PVR: variants seen among roughly 807,000 people sequenced by gnomAD.
PVR encodes the protein PVR cell adhesion molecule.
In PVR, 39 loss-of-function variants were observed where a neutral mutation model predicts 43.3. That is an observed-to-expected ratio of 0.90 (90% CI 0.70 to 1.18). PVR has a LOEUF of 1.18. Ranked by LOEUF, PVR falls within the 50% of genes most tolerant of loss-of-function variation. PVR has a pLI of 0.00. For missense variants in PVR, 480 were observed against 549.7 expected, an observed-to-expected ratio of 0.87 and a Z score of 1.27; for synonymous variants, 224 against 233.2, an observed-to-expected ratio of 0.96 and a Z score of 0.36.
chr19:44,652,088 C>T (rs570653542), intron 3 of PVR, among the ~76,000 whole-genome samples: 115 of 152,204 alleles, frequency 7.6e-4, no homozygotes, highest in Non-Finnish European at 1.4e-3. Flanking sequence ...ACCTGGGAGG[C>T]GGAGATTGCA....
chr19:44,655,595 T>C (rs1973421408), intron 4 of PVR, among the ~76,000 whole-genome samples: 3 of 152,204 alleles, frequency 2.0e-5, no homozygotes, highest in African/African-American at 7.2e-5. Context: ...TACATATAAT[T>C]TTGAACCTTT....
At chr19:44,650,460 C>G (rs1973250951) in intron 3 of PVR, among the ~76,000 whole-genome samples, 1 of 152,120 alleles carries the variant, frequency 6.6e-6, no homozygotes, top group Non-Finnish European at 1.5e-5. Context: ...GGCAAGTATC[C>G]ACAATGACCC....
chr19:44,650,186 T>C (rs1262299847), intron 3 of PVR, 81 bp downstream of exon 3: 2 of 1,333,476 alleles, frequency 1.5e-6, no homozygotes, highest in South Asian at 1.6e-5. Flanking sequence ...CCCAAGGCAC[T>C]GTAGGCATTG....
intron 2 of PVR, among the ~76,000 whole-genome samples, 187 bp downstream of exon 2, chr19:44,647,757 G>A (rs1454011707): frequency 4.7e-5 from 7 of 150,528 alleles, no homozygotes; most frequent in Non-Finnish European, 8.9e-5. Flanking sequence ...TGGGGGGAGG[G>A]GCTGCAGGGC....
chr19:44,657,724 C>T (rs772145768), intron 4 of PVR, 38 bp from the exon 5 acceptor site: 26 of 1,610,618 alleles, frequency 1.6e-5, no homozygotes, highest in Admixed American at 1.0e-4. Context: ...TCCGGACCTG[C>T]AGCAGAGGCC....
At chr19:44,657,414 C>T (rs974731482) in intron 4 of PVR, among the ~76,000 whole-genome samples, 13 of 152,078 alleles carry the variant, frequency 8.5e-5, no homozygotes, top group African/African-American at 2.9e-4. Context: ...GGTTCACAGG[C>T]GACCTCTGGT....
chr19:44,652,749 A>T (rs926167473), intron 3 of PVR, among the ~76,000 whole-genome samples: 7 of 152,178 alleles, frequency 4.6e-5, no homozygotes, highest in African/African-American at 1.7e-4. Flanking sequence ...TCCTGGGCTC[A>T]AGTGATCCTC....
rs10402984 is a variant in PVR, at chr19:44,665,574, G to C, written c.*3763G>C. ...CCTTGAACCCGGGAAGTGGAGGCTG[G>C]AGTAAACCATGATCGAGTTACTGCA... On this transcript the variant is annotated 3_prime_UTR_variant, in exon 8 of 8. Transcript: ENST00000425690. The C allele has an allele frequency of 0.048, 6,949 of 144,752 alleles. 542 individuals carry two copies. Among genetic ancestry groups the C allele is most frequent in the African/African-American group, 0.17 (6,607 of 38,786 alleles). The allele number at this position is 144,752 out of a possible 1,614,324, so 9.0% of individuals were successfully genotyped here.
At chr19:44,645,972 T>A (rs907718563) in intron 1 of PVR, among the ~76,000 whole-genome samples, 2 of 152,062 alleles carry the variant, frequency 1.3e-5, no homozygotes, top group Non-Finnish European at 2.9e-5. Context: ...CCGCCCAAGT[T>A]CAAATCCCAC....
chr19:44,649,108 T>G (rs1359265206), intron 2 of PVR, among the ~76,000 whole-genome samples: 1 of 152,144 alleles, frequency 6.6e-6, no homozygotes, highest in East Asian at 1.9e-4. Flanking sequence ...ATAACCCCCT[T>G]TGGGTTTCCC....
At chr19:44,649,754 C>A (rs1973225858) in intron 2 of PVR, 55 bp from the exon 3 acceptor site, 5 of 1,577,422 alleles carry the variant, frequency 3.2e-6, no homozygotes, top group Non-Finnish European at 3.5e-6. Context: ...TGAATGCCCC[C>A]TTCTGCCACG....
intron 6 of PVR, 117 bp downstream of exon 6, chr19:44,659,017 C>A: frequency 1.0e-6 from 1 of 953,662 alleles, no homozygotes. Flanking sequence ...CCCCATTTGA[C>A]TGATGAGGGT....
At chr19:44,659,126 G>C (rs1262613518) in intron 6 of PVR, 1 of 457,140 alleles carries the variant, frequency 2.2e-6, no homozygotes, top group East Asian at 3.5e-5. Context: ...TGCCATGGTA[G>C]GGACTTTGGA....
At chr19:44,648,764 C>G (rs570159814) in intron 2 of PVR, among the ~76,000 whole-genome samples, 6 of 152,324 alleles carry the variant, frequency 3.9e-5, no homozygotes, top group African/African-American at 1.4e-4. Context: ...GGAACTGTGC[C>G]TAGCACACAA....
Position 44,661,397 on chromosome 19 carries a change from C to T in PVR, c.1182+74C>T, listed in dbSNP as rs185925790. The T allele has an allele frequency of 3.4e-5, 51 of 1,494,498 alleles. No individual in the cohort carries two copies. The African/African-American group carries it at 3.9e-4, about 11-fold the overall frequency. 92.6% of individuals were successfully genotyped at this position (1,494,498 alleles called of 1,614,324 possible). On this transcript the variant is annotated intron_variant, in intron 7 of 7. Transcript: ENST00000425690. The stretch of plus-strand genomic sequence containing the variant: ...CAGACCAGACGTCTTCAGATGCCCA[C>T]GGCCCGGCCTCAGGAGCCTGGGTCT...
chr19:44,645,415 GTATATATATATATATA>G (rs71171276), intron 1 of PVR, among the ~76,000 whole-genome samples: 23 of 83,822 alleles, frequency 2.7e-4, no homozygotes, highest in African/African-American at 1.1e-3. Context: ...TATGTTTTGT[GTATATATATATATATA>G]TATATATATA....
chr19:44,648,784 A>G (rs997563780), intron 2 of PVR, among the ~76,000 whole-genome samples: 4 of 152,212 alleles, frequency 2.6e-5, no homozygotes, highest in Non-Finnish European at 5.9e-5. Context: ...ACACCCAACC[A>G]AAGGCAGCTG....
At chr19:44,648,461 A>G (rs1343525401) in intron 2 of PVR, among the ~76,000 whole-genome samples, 1 of 151,560 alleles carries the variant, frequency 6.6e-6, no homozygotes, top group East Asian at 1.9e-4. Flanking sequence ...GATAGGGATC[A>G]CCATGAGGAT....
chr19:44,649,619 C>G (rs969798664), intron 2 of PVR, among the ~76,000 whole-genome samples, 190 bp from the exon 3 acceptor site: 5 of 152,036 alleles, frequency 3.3e-5, no homozygotes, highest in African/African-American at 1.2e-4. Flanking sequence ...GACAGTTTCT[C>G]CATGTTGGCC....
Sources: gnomAD v4.1 joint callset for allele counts (sites outside exome capture counted in the v4.1 genomes callset) on GRCh38, gnomAD v4.1.1 for gene constraint, MANE v1.5 for transcripts, NCBI Gene and HGNC (gene_info 2026-07-23, HGNC 2026-07-21) for gene names.